Variants in SOX6 observed in about 807,000 individuals in gnomAD.
SOX6 encodes SRY-box transcription factor 6.
A neutral mutation model predicts 97.8 loss-of-function variants in SOX6; 11 were observed. The observed-to-expected ratio is 0.11, with a 90% CI of 0.07 to 0.19. The LOEUF is 0.19. Among genes scored for constraint, SOX6 ranks in the 10% least tolerant of loss-of-function variants. The pLI is 1.00. For missense variants in SOX6, 810 were observed against 1,039.5 expected, an observed-to-expected ratio of 0.78 and a Z score of 3.04; for synonymous variants, 360 against 371.4, an observed-to-expected ratio of 0.97 and a Z score of 0.35.
intron 3 of SOX6, chr11:16,316,567 T>C (rs886756634): frequency 6.6e-6 from 1 of 151,940 alleles, no homozygotes; most frequent in African/African-American, 2.4e-5. Flanking sequence ...CTGTAACACA[T>C]GGTAACAAAG....
intron 4 of SOX6, among the ~76,000 whole-genome samples, chr11:16,188,849 G>C (rs1365805266): frequency 6.6e-6 from 1 of 151,966 alleles, no homozygotes; most frequent in Non-Finnish European, 1.5e-5. Flanking sequence ...GCTCGCCTTA[G>C]GTCAGGAGTT....
At chr11:16,321,262 C>CA (rs78785045) in intron 2 of SOX6, among the ~76,000 whole-genome samples, 4,623 of 66,354 alleles carry the variant, frequency 0.07, 180 homozygotes, top group African/African-American at 0.19. Flanking sequence ...ACATTATGGC[C>CA]AAAAAAAAAA....
rs142437574 is a variant in SOX6 at position 16,044,366 on chromosome 11, A to G, written c.1623+2148T>C. On this transcript the variant is annotated intron_variant, in intron 12 of 15. Transcript: ENST00000683767. ...CATAAATCTAATGGATAGATCTTAT[A>G]TTTAAGGAAACAGATTATTCCAACG... is the stretch of plus-strand genomic sequence containing the variant. Among the ~76,000 whole-genome samples the G allele has an allele frequency of 7.3e-3, 1,108 of 152,350 alleles. 8 individuals are homozygous for G. The highest frequency in any genetic ancestry group is 0.011 in the Non-Finnish European group (756 of 68,038).
At chr11:16,226,434 A>G (rs1852692405) in intron 4 of SOX6, among the ~76,000 whole-genome samples, 1 of 152,044 alleles carries the variant, frequency 6.6e-6, no homozygotes, top group Non-Finnish European at 1.5e-5. Flanking sequence ...TCCCTGGCAC[A>G]TTGCCCAGGG....
chr11:16,102,869 T>C (rs541158101), intron 7 of SOX6, among the ~76,000 whole-genome samples: 1 of 152,052 alleles, frequency 6.6e-6, no homozygotes, highest in East Asian at 1.9e-4. Context: ...GTAAAAAACT[T>C]CAGCTCAAGA....
chr11:16,669,032 A>G (rs1016330078), intron 3 of SOX6, among the ~76,000 whole-genome samples: 1 of 152,262 alleles, frequency 6.6e-6, no homozygotes, highest in Admixed American at 6.5e-5. Flanking sequence ...TGCACTATAG[A>G]GCAAATGGAC....
intron 7 of SOX6, among the ~76,000 whole-genome samples, chr11:16,107,298 CA>C (rs1849112090): frequency 6.6e-6 from 1 of 150,860 alleles, no homozygotes; most frequent in African/African-American, 2.4e-5. Flanking sequence ...ACCATATTCA[CA>C]GAAGTATTAT....
intron 6 of SOX6, among the ~76,000 whole-genome samples, chr11:16,150,427 C>T (rs1190586454): frequency 6.6e-6 from 1 of 152,186 alleles, no homozygotes; most frequent in African/African-American, 2.4e-5. Context: ...AATAACACTT[C>T]TACATCTTTC....
chr11:16,646,920 C>T (rs138521326), intron 3 of SOX6, among the ~76,000 whole-genome samples: 54 of 152,266 alleles, frequency 3.5e-4, no homozygotes, highest in Middle Eastern at 6.8e-3. Context: ...GATTGCTGGA[C>T]GAAATGGTAG....
At chr11:16,451,831 C>T (rs1262074395) in intron 1 of SOX6, among the ~76,000 whole-genome samples, 2 of 151,756 alleles carry the variant, frequency 1.3e-5, no homozygotes, top group Admixed American at 1.3e-4. Context: ...CCCAGGAGTT[C>T]GGACCAGACC....
intron 1 of SOX6, among the ~76,000 whole-genome samples, chr11:16,367,838 A>T (rs1857397078): frequency 6.6e-6 from 1 of 152,206 alleles, no homozygotes; most frequent in South Asian, 2.1e-4. Context: ...TAATACATGT[A>T]CATTATAAAA....
intron 9 of SOX6, among the ~76,000 whole-genome samples, chr11:16,076,847 G>A (rs1424572540): frequency 2.1e-5 from 3 of 144,628 alleles, no homozygotes; most frequent in South Asian, 2.3e-4. Context: ...TCCGCTTCCC[G>A]GGTTCACGCC....
chr11:16,017,631 T>G (rs1040038944), intron 12 of SOX6, among the ~76,000 whole-genome samples: 1 of 152,078 alleles, frequency 6.6e-6, no homozygotes, highest in Non-Finnish European at 1.5e-5. Flanking sequence ...AAGCAAAGAT[T>G]TTACCAGTGA....
intron 1 of SOX6, among the ~76,000 whole-genome samples, chr11:16,387,176 G>A (rs1462951523): frequency 1.3e-5 from 2 of 152,062 alleles, no homozygotes; most frequent in African/African-American, 2.4e-5. Context: ...TGATGCCTGG[G>A]TCCCACTTCA....
At chr11:16,659,254 G>A (rs1434165817) in intron 3 of SOX6, among the ~76,000 whole-genome samples, 1 of 152,108 alleles carries the variant, frequency 6.6e-6, no homozygotes, top group Non-Finnish European at 1.5e-5. Flanking sequence ...TTTTTTGCAG[G>A]TAGATACCAA....
chr11:16,263,693 T>C (rs1244317868), intron 3 of SOX6, among the ~76,000 whole-genome samples: 2 of 151,906 alleles, frequency 1.3e-5, no homozygotes, highest in Non-Finnish European at 2.9e-5. Flanking sequence ...AAGCTTCAAA[T>C]TGTTTTGGGG....
chr11:15,982,501 A>G (rs975686913), intron 15 of SOX6, among the ~76,000 whole-genome samples: 2 of 152,062 alleles, frequency 1.3e-5, no homozygotes, highest in African/African-American at 4.8e-5. Flanking sequence ...ACCCCCACAG[A>G]TAACAAAATC....
intron 1 of SOX6, among the ~76,000 whole-genome samples, chr11:16,401,907 A>G (rs1858568354): frequency 6.6e-6 from 1 of 151,532 alleles, no homozygotes; most frequent in African/African-American, 2.4e-5. Flanking sequence ...AGGTTTCTCA[A>G]ATCATCAAGA....
At chr11:16,548,653 C>A (rs992058586) in intron 4 of SOX6, among the ~76,000 whole-genome samples, 1 of 152,050 alleles carries the variant, frequency 6.6e-6, no homozygotes, top group Non-Finnish European at 1.5e-5. Context: ...TTGAAAGACA[C>A]TTAAAATGAA....
Sources: allele counts gnomAD v4.1 joint callset (sites outside exome capture counted in the v4.1 genomes callset), GRCh38; gene constraint gnomAD v4.1.1; transcripts MANE v1.5; gene names NCBI Gene and HGNC (gene_info 2026-07-23, HGNC 2026-07-21).